DTNB: variants seen among roughly 807,000 people sequenced by gnomAD.
DTNB encodes dystrobrevin beta.
A neutral mutation model predicts 90.7 loss-of-function variants in DTNB; 63 were observed. That is an observed-to-expected ratio of 0.69 (90% CI 0.57 to 0.86). The LOEUF (loss-of-function observed/expected upper bound fraction) is 0.86. DTNB is among the 40% of genes least tolerant of loss of function. DTNB has a pLI of 0.00. For missense variants in DTNB, 744 were observed against 807.1 expected, an observed-to-expected ratio of 0.92 and a Z score of 0.95; for synonymous variants, 277 against 286.7, an observed-to-expected ratio of 0.97 and a Z score of 0.34.
At chr2:25,573,009 C>T (rs968567555) in intron 8 of DTNB, among the ~76,000 whole-genome samples, 2 of 151,804 alleles carry the variant, frequency 1.3e-5, no homozygotes, top group African/African-American at 4.8e-5. Flanking sequence ...GGCACGATCT[C>T]GGCTCACTGC....
rs1294654722 is a variant in DTNB at position 25,423,436 on chromosome 2, A to G, written c.1555-3901T>C. ...CTTATGTATGCTTCTTTAAATTATC[A>G]TTTCAGATAGAAGATAAAGTACATA... On this transcript the variant is annotated intron_variant, in intron 15 of 20. Transcript: ENST00000406818. Among the ~76,000 whole-genome samples the G allele has an allele frequency of 6.6e-5, 10 of 152,312 alleles. No individual in the cohort carries two copies. The East Asian group carries it at 1.7e-3, about 26-fold the overall frequency.
At chr2:25,502,456 G>A (rs1444401059) in intron 9 of DTNB, among the ~76,000 whole-genome samples, 1 of 152,094 alleles carries the variant, frequency 6.6e-6, no homozygotes, top group Admixed American at 6.6e-5. Context: ...ACTGGGGCTT[G>A]GCACAGTGGC....
intron 9 of DTNB, among the ~76,000 whole-genome samples, chr2:25,504,647 AAAAG>A (rs1343912588): frequency 8.5e-5 from 13 of 152,206 alleles, no homozygotes; most frequent in East Asian, 3.9e-4. Flanking sequence ...GAAAGGAAGG[AAAAG>A]AAAGAAAGAA....
At chr2:25,393,008 C>G (rs1175754765) in intron 16 of DTNB, among the ~76,000 whole-genome samples, 1 of 152,172 alleles carries the variant, frequency 6.6e-6, no homozygotes, top group African/African-American at 2.4e-5. Flanking sequence ...TGAACCAAAT[C>G]CAACAGCATA....
rs202036284 is a variant in DTNB at position 25,388,277 on chromosome 2, C to T, written c.1660G>A (p.Gly554Ser). The change falls in exon 17 of 21, where the codon GGC becomes AGC. Residue 554 changes from glycine to serine, a missense_variant. Physicochemically the swap from Gly to Ser is moderately conservative, Grantham distance 56. Transcript: ENST00000406818. ...TGCGGACAGTGGGTGGGGGTGGAGC[C>T]GGCAGACGTGGAGCGCACTGGCATG... ...MPMPVRSTSA[G>S]STPTHCPQDS... 3.4e-5 allele frequency: 55 copies of T among 1,611,666 alleles called. No individual in the cohort carries two copies. Among genetic ancestry groups the T allele is most frequent in the African/African-American group, 2.9e-4 (22 of 75,038 alleles).
chr2:25,572,047 A>T (rs1227325241), intron 8 of DTNB, among the ~76,000 whole-genome samples: 4 of 152,128 alleles, frequency 2.6e-5, no homozygotes, highest in Non-Finnish European at 5.9e-5. Context: ...CATGCCACAC[A>T]TGCCCAGGCA....
chr2:25,597,740 A>G (rs2064936666), intron 5 of DTNB, among the ~76,000 whole-genome samples: 1 of 152,230 alleles, frequency 6.6e-6, no homozygotes, highest in Non-Finnish European at 1.5e-5. Flanking sequence ...TAACAAATAC[A>G]TATTAAGTTC....
intron 8 of DTNB, among the ~76,000 whole-genome samples, chr2:25,539,986 T>C (rs910689090): frequency 2.0e-5 from 3 of 152,340 alleles, no homozygotes; most frequent in African/African-American, 4.8e-5. Context: ...TATTATTACA[T>C]ATATTCCTGC....
At chr2:25,672,607 C>T (rs2086283695) in intron 1 of DTNB, among the ~76,000 whole-genome samples, 1 of 152,130 alleles carries the variant, frequency 6.6e-6, no homozygotes, top group Admixed American at 6.5e-5. Flanking sequence ...GCTCCAATTT[C>T]CCAATACTGG....
intron 3 of DTNB, among the ~76,000 whole-genome samples, chr2:25,630,905 AC>A (rs2075574514): frequency 6.6e-6 from 1 of 151,830 alleles, no homozygotes; most frequent in South Asian, 2.1e-4. Flanking sequence ...ATATGGATAA[AC>A]CCTTAAAACA....
At chr2:25,473,814 T>C (rs2063259947) in intron 10 of DTNB, among the ~76,000 whole-genome samples, 1 of 152,118 alleles carries the variant, frequency 6.6e-6, no homozygotes, top group Non-Finnish European at 1.5e-5. Context: ...CCCACCCACA[T>C]CCAAAATTTA....
At chr2:25,644,684 C>T (rs891662573) in intron 2 of DTNB, among the ~76,000 whole-genome samples, 41 of 152,188 alleles carry the variant, frequency 2.7e-4, no homozygotes, top group African/African-American at 9.4e-4. Flanking sequence ...ACCCTGGAGG[C>T]GAAGGCGGAG....
rs1157998188 is a variant in DTNB, at chr2:25,535,361, C to G, written c.877-3764G>C. Among the ~76,000 whole-genome samples, 5 of 145,002 alleles carry G rather than the reference C, an allele frequency of 3.4e-5. No homozygotes were observed. In the East Asian group the frequency reaches 8.6e-4, roughly 25 times the overall value. On this transcript the variant is annotated intron_variant, in intron 8 of 20. Transcript: ENST00000406818. ...TTCGGGGCAGCCGGGCAGAGGCGCT[C>G]CTCACTTCCTCCCAGACGGGGAGGC...
At chr2:25,527,513 C>T (rs931394170) in intron 9 of DTNB, among the ~76,000 whole-genome samples, 1 of 151,118 alleles carries the variant, frequency 6.6e-6, no homozygotes, top group Non-Finnish European at 1.5e-5. Flanking sequence ...GACTGAGACT[C>T]TGTCTCAAAA....
chr2:25,411,047 GACTTAT>G (rs1470065180), intron 16 of DTNB, among the ~76,000 whole-genome samples: 7 of 151,098 alleles, frequency 4.6e-5, no homozygotes, highest in African/African-American at 9.7e-5. Flanking sequence ...GGCTCAAATA[GACTTAT>G]ACTTAACCAT....
chr2:25,589,111 T>A (rs1233198906), intron 6 of DTNB, among the ~76,000 whole-genome samples: 1 of 152,216 alleles, frequency 6.6e-6, no homozygotes, highest in African/African-American at 2.4e-5. Context: ...GAGAATATTT[T>A]GTCAAATGCA....
At chr2:25,634,241 G>A (rs1247190525) in intron 3 of DTNB, among the ~76,000 whole-genome samples, 4 of 118,618 alleles carry the variant, frequency 3.4e-5, no homozygotes, top group African/African-American at 5.6e-5. Context: ...GAGGTGGGGG[G>A]GTCAGCCCCC....
intron 16 of DTNB, among the ~76,000 whole-genome samples, chr2:25,396,740 A>C (rs1385586098): frequency 6.6e-6 from 1 of 150,686 alleles, no homozygotes; most frequent in Non-Finnish European, 1.5e-5. Context: ...CTAAAAAAAA[A>C]AAAAAAAAAA....
chr2:25,571,358 C>T (rs554244222), intron 8 of DTNB, among the ~76,000 whole-genome samples: 1 of 152,256 alleles, frequency 6.6e-6, no homozygotes, highest in South Asian at 2.1e-4. Flanking sequence ...TGTTATTCTT[C>T]TATTCAAAAC....
Sources: allele counts gnomAD v4.1 joint callset (sites outside exome capture counted in the v4.1 genomes callset), GRCh38; gene constraint gnomAD v4.1.1; transcripts MANE v1.5; gene names NCBI Gene and HGNC (gene_info 2026-07-23, HGNC 2026-07-21).